The following STK3 variants were observed in gnomAD, a reference collection of about 807,000 sequenced individuals.
STK3 encodes the protein serine/threonine kinase 3.
STK3 carries 41 observed loss-of-function variants against 58.0 expected under a neutral mutation model. That is an observed-to-expected ratio of 0.71 (90% CI 0.55 to 0.92). The LOEUF (loss-of-function observed/expected upper bound fraction) is 0.92, where lower values mean the gene tolerates loss of function less well. STK3 is among the 40% of genes least tolerant of loss of function. The pLI is 0.00. For missense variants in STK3, 479 were observed against 602.7 expected (o/e 0.79, Z 2.15); for synonymous variants, 170 against 191.0 (o/e 0.89, Z 0.91).
chr8:98,890,991 G>T (rs1481330466), intron 1 of STK3, among the ~76,000 whole-genome samples: 1 of 152,228 alleles, frequency 6.6e-6, no homozygotes, highest in African/African-American at 2.4e-5. Flanking sequence ...AGATGGTCAT[G>T]ATGTCCGACT....
the STK3 span, among the ~76,000 whole-genome samples, chr8:98,363,648 A>C: frequency 6.6e-6 from 1 of 152,276 alleles, no homozygotes; most frequent in Non-Finnish European, 1.5e-5. Context: ...AGGAACATGC[A>C]GTCTAGTTGC....
rs1833469605 is a variant in STK3, at chr8:98,800,562, C to T, written c.26+24953G>A. ...GGGCTGGCCAAGGCCGGAGCCGGCTCCCTCTGCTTGCGGGAAGGTGTGGAG... is the reference window on the plus strand; with the variant it reads ...GGGCTGGCCAAGGCCGGAGCCGGCTTCCTCTGCTTGCGGGAAGGTGTGGAG... On this transcript the variant is annotated intron_variant, in intron 1 of 10. Transcript: ENST00000419617. This position sits in a 1 kb window ranked among gnomAD's most constrained non-coding sequence, Gnocchi z 4.8. Among the ~76,000 whole-genome samples, 1 of 152,232 alleles carries T rather than the reference C, an allele frequency of 6.6e-6. No homozygotes were observed. Among genetic ancestry groups the T allele is most frequent in the South Asian group, 2.1e-4 (1 of 4,834 alleles).
intron 1 of STK3, chr8:98,905,069 G>A: frequency 6.1e-6 from 7 of 1,146,618 alleles, no homozygotes; most frequent in African/African-American, 1.5e-5. Flanking sequence ...TGTAAGGCGT[G>A]TGAACTGCTG....
At chr8:98,861,822 GGCA>G (rs1297122348) in intron 3 of STK3, among the ~76,000 whole-genome samples, 2 of 152,140 alleles carry the variant, frequency 1.3e-5, no homozygotes, top group Non-Finnish European at 2.9e-5. Flanking sequence ...GCTTTAAGGA[GGCA>G]GCATTCACAG....
upstream of STK3, among the ~76,000 whole-genome samples, chr8:98,826,374 G>A (rs1255198407): frequency 2.6e-5 from 4 of 152,130 alleles, no homozygotes; most frequent in Non-Finnish European, 5.9e-5. Context: ...GATTTTTATT[G>A]TGGACAAGCT....
chr8:98,381,910 A>C (rs982403866), intron 1 of STK3, among the ~76,000 whole-genome samples: 1 of 152,224 alleles, frequency 6.6e-6, no homozygotes, highest in African/African-American at 2.4e-5. Context: ...GATATTTTGT[A>C]CATCATAGAT....
At chr8:98,362,319 T>A in the STK3 span, among the ~76,000 whole-genome samples, 1 of 151,996 alleles carries the variant, frequency 6.6e-6, no homozygotes, top group Non-Finnish European at 1.5e-5. Context: ...ATGTGAGGGG[T>A]AAGAGAGAGT....
At chr8:98,384,169 C>T (rs1817767379) in intron 1 of STK3, among the ~76,000 whole-genome samples, 1 of 152,212 alleles carries the variant, frequency 6.6e-6, no homozygotes, top group Admixed American at 6.5e-5. Flanking sequence ...TCCACTTTGG[C>T]CTCTGATTGG....
intron 7 of STK3, among the ~76,000 whole-genome samples, chr8:98,585,455 ATC>A (rs559765706): frequency 0.011 from 1,681 of 151,330 alleles, 20 homozygotes; most frequent in African/African-American, 0.039. Flanking sequence ...ATTGATCTAT[ATC>A]TCTGTTTTGG....
chr8:98,649,570 G>C (rs1285682307), intron 6 of STK3, among the ~76,000 whole-genome samples: 1 of 152,054 alleles, frequency 6.6e-6, no homozygotes, highest in African/African-American at 2.4e-5. Flanking sequence ...TTTTCCCATT[G>C]AGCTCAAATT....
intron 1 of STK3, among the ~76,000 whole-genome samples, chr8:98,913,012 A>G (rs573363637): frequency 1.1e-3 from 164 of 152,260 alleles, no homozygotes; most frequent in African/African-American, 3.8e-3. Context: ...GGTTCAAGCA[A>G]TTCTTGTGCC....
chr8:98,460,658 G>T (rs1164634798), intron 10 of STK3, among the ~76,000 whole-genome samples: 1 of 152,156 alleles, frequency 6.6e-6, no homozygotes, highest in Non-Finnish European at 1.5e-5. Flanking sequence ...GGTGGGAGGT[G>T]ACTGGATCAT....
intron 4 of STK3, among the ~76,000 whole-genome samples, chr8:98,708,393 T>C (rs1826128472): frequency 2.6e-5 from 4 of 152,136 alleles, no homozygotes; most frequent in Non-Finnish European, 4.4e-5. Context: ...ATGAATCTTC[T>C]GCGAGAAGCT....
intron 3 of STK3, among the ~76,000 whole-genome samples, chr8:98,839,017 T>C (rs868835599): frequency 2.5e-4 from 37 of 148,786 alleles, no homozygotes; most frequent in East Asian, 1.4e-3. Context: ...TGTGTGTGTG[T>C]GCGCTTGTGG....
intron 6 of STK3, among the ~76,000 whole-genome samples, chr8:98,692,545 T>C (rs189046677): frequency 1.6e-3 from 243 of 152,268 alleles, no homozygotes; most frequent in African/African-American, 5.4e-3. Flanking sequence ...AGTAGAATAC[T>C]GGTTGCGAGG....
At chr8:98,397,346 C>T (rs944272160), downstream of STK3, among the ~76,000 whole-genome samples, 1 of 151,904 alleles carries the variant, frequency 6.6e-6, no homozygotes, top group African/African-American at 2.4e-5. Flanking sequence ...CTGGGCAACA[C>T]GGTGAAATCC....
intron 6 of STK3, chr8:98,638,332 T>A (rs1377011460): frequency 2.0e-5 from 3 of 152,238 alleles, no homozygotes; most frequent in African/African-American, 7.2e-5. Flanking sequence ...CTAATTTTTT[T>A]AAACTTGCCT....
At chr8:98,808,480 G>A (rs1032604397) in intron 1 of STK3, among the ~76,000 whole-genome samples, 2 of 152,182 alleles carry the variant, frequency 1.3e-5, no homozygotes, top group African/African-American at 4.8e-5. Flanking sequence ...CTTCAGTTTT[G>A]AAGAGACTCA....
intron 3 of STK3, among the ~76,000 whole-genome samples, chr8:98,766,929 C>A (rs1208951818): frequency 2.0e-5 from 3 of 152,088 alleles, no homozygotes; most frequent in African/African-American, 7.2e-5. Flanking sequence ...TCGAGATCAG[C>A]CTGACCAACA....
Sources: allele counts gnomAD v4.1 joint callset (sites outside exome capture counted in the v4.1 genomes callset), GRCh38; gene constraint gnomAD v4.1.1; non-coding constraint Gnocchi (gnomAD v3.1); transcripts MANE v1.5; gene names NCBI Gene and HGNC (gene_info 2026-07-23, HGNC 2026-07-21).